AXDND1: variants seen among roughly 807,000 people sequenced by gnomAD.
AXDND1 encodes axonemal dynein light chain domain containing 1, also known as axonemal dynein light chain domain-containing protein 1.
AXDND1 carries 110 observed loss-of-function variants against 137.5 expected under a neutral mutation model. The ratio of observed to expected loss-of-function variants is 0.80; its 90% CI spans 0.69 to 0.94. The LOEUF (loss-of-function observed/expected upper bound fraction) is 0.94, where lower values mean the gene tolerates loss of function less well. Ranked by LOEUF, AXDND1 falls within the 40% of genes least tolerant of loss-of-function variation. The pLI, the probability that AXDND1 is intolerant of heterozygous loss-of-function variation, is 0.00. For missense variants in AXDND1, 1,191 were observed against 1,169.8 expected, an observed-to-expected ratio of 1.02 and a Z score of -0.26; for synonymous variants, 414 against 399.7, an observed-to-expected ratio of 1.04 and a Z score of -0.43.
chr1:179,512,929 T>A (rs1669190680), intron 21 of AXDND1, among the ~76,000 whole-genome samples: 1 of 152,212 alleles, frequency 6.6e-6, no homozygotes, highest in Non-Finnish European at 1.5e-5. Flanking sequence ...GAAACTTTGC[T>A]GAATTCTTTT....
chr1:179,436,891 G>A (rs193161347), intron 15 of AXDND1, among the ~76,000 whole-genome samples: 200 of 151,956 alleles, frequency 1.3e-3, no homozygotes, highest in African/African-American at 4.4e-3. Flanking sequence ...CAAAAAGCTC[G>A]GTAGATATCA....
Position 179,534,727 on chromosome 1 carries a change from CAG to C in AXDND1, c.2799-2_2799-1del. The C allele has an allele frequency of 6.4e-7, 1 of 1,572,078 alleles. No individual in the cohort carries two copies. The highest frequency in any genetic ancestry group is 8.6e-7 in the Non-Finnish European group (1 of 1,168,766). On this transcript the variant is annotated splice_acceptor_variant, in intron 24 of 25. Transcript: ENST00000367618. LOFTEE classifies it high-confidence loss of function. ...TTTTGTTGTGTCTTCTCTTCCATATCAGGGAGGTTGAAAATAGAGCCAGACAG... is the reference window on the plus strand; with the variant it reads ...TTTTGTTGTGTCTTCTCTTCCATATCGGAGGTTGAAAATAGAGCCAGACAG...
At position 179,448,086 on chromosome 1, in the gene AXDND1, C is replaced by T. The variant is rs1047422343; in HGVS notation, c.1798+2882C>T. ...CAGGTGCAATGTTATGATTCTGCATCATATTATCAAATTCCTCATTAATTA... is the reference window on the plus strand; with the variant it reads ...CAGGTGCAATGTTATGATTCTGCATTATATTATCAAATTCCTCATTAATTA... On this transcript the variant is annotated intron_variant, in intron 16 of 25. Coordinates refer to ENST00000367618, the MANE Select transcript of AXDND1 (RefSeq NM_144696.6). 3 of 1,045,876 alleles carry T rather than the reference C, an allele frequency of 2.9e-6. No homozygotes were observed. The Admixed American group carries it at 5.2e-5, about 18-fold the overall frequency. The allele number at this position is 1,045,876 out of a possible 1,614,324, so 64.8% of individuals were successfully genotyped here.
intron 20 of AXDND1, chr1:179,506,781 G>C (rs1389813857): frequency 7.3e-6 from 6 of 823,796 alleles, no homozygotes; most frequent in African/African-American, 1.9e-5. Context: ...TCTCTGCCCT[G>C]TGTAGTCTGC....
At chr1:179,408,747 C>T (rs577809034) in intron 11 of AXDND1, among the ~76,000 whole-genome samples, 2 of 152,264 alleles carry the variant, frequency 1.3e-5, no homozygotes, top group South Asian at 2.1e-4. Context: ...GTTGCATGAT[C>T]ATGGCTCACT....
Position 179,437,261 on chromosome 1 carries a change from C to G in AXDND1, c.1563+4919C>G, listed in dbSNP as rs190821697. On this transcript the variant is annotated intron_variant, in intron 15 of 25. Coordinates refer to ENST00000367618, the MANE Select transcript of AXDND1 (RefSeq NM_144696.6). ...CAAGGACCCTGAGCTTTACAAAGCC[C>G]TCTGTATTTATTAGGCAAAAGAGAT... Among the ~76,000 whole-genome samples the G allele has an allele frequency of 5.3e-3, 806 of 152,080 alleles. 10 individuals are homozygous for G. The highest frequency in any genetic ancestry group is 0.019 in the African/African-American group (783 of 41,464).
At chr1:179,467,374 A>G (rs966313929) in intron 16 of AXDND1, among the ~76,000 whole-genome samples, 1 of 152,214 alleles carries the variant, frequency 6.6e-6, no homozygotes, top group Non-Finnish European at 1.5e-5. Flanking sequence ...GTTCTGCATC[A>G]TCAGATTCAA....
chr1:179,531,870 G>A (rs537962663), intron 23 of AXDND1, among the ~76,000 whole-genome samples: 1 of 152,318 alleles, frequency 6.6e-6, no homozygotes, highest in African/African-American at 2.4e-5. Flanking sequence ...CACAAGCAAG[G>A]AGGGTCCAAT....
At chr1:179,373,755 G>A (rs1385862729) in intron 4 of AXDND1, among the ~76,000 whole-genome samples, 3 of 152,150 alleles carry the variant, frequency 2.0e-5, no homozygotes, top group Non-Finnish European at 4.4e-5. Context: ...AAATGGTGCT[G>A]GGAAAACTGG....
At chr1:179,390,291 G>A (rs1649945883) in intron 9 of AXDND1, among the ~76,000 whole-genome samples, 1 of 152,142 alleles carries the variant, frequency 6.6e-6, no homozygotes, top group Admixed American at 6.6e-5. Context: ...TGAGGTTACA[G>A]GTGTGAGCCA....
intron 12 of AXDND1, among the ~76,000 whole-genome samples, chr1:179,425,844 T>G (rs1656487480): frequency 1.3e-5 from 2 of 149,470 alleles, no homozygotes; most frequent in South Asian, 4.3e-4. Flanking sequence ...TCTTTTTTTT[T>G]TTTTTTTTTT....
intron 16 of AXDND1, chr1:179,448,199 A>G (rs962373510): frequency 6.9e-6 from 6 of 868,360 alleles, no homozygotes; most frequent in African/African-American, 1.6e-5. Flanking sequence ...TCAGAGCCTC[A>G]ACAATATCTG....
At chr1:179,528,018 C>T (rs1317801367) in intron 22 of AXDND1, among the ~76,000 whole-genome samples, 1 of 152,220 alleles carries the variant, frequency 6.6e-6, no homozygotes, top group African/African-American at 2.4e-5. Context: ...TTTATGCTAA[C>T]AGTAATCATG....
In AXDND1 at chr1:179,445,157, T is replaced by C; in HGVS notation, c.1751T>C (p.Ile584Thr). ...TACATGGAGGAAATTATCAAAAACA[T>C]ACAAAAACTCTACAAAGAATATGAA... Reference protein sequence around the residue: ...RQYMEEIIKNIQKLYKEYEIR... With the variant: ...RQYMEEIIKNTQKLYKEYEIR... Residue 584 changes from isoleucine (I) to threonine (T), a missense_variant, in exon 16 of 26, where the codon ATA (isoleucine) becomes ACA (threonine). By Grantham distance (89) the Ile-to-Thr change is moderately conservative (BLOSUM62 -1). Transcript: ENST00000367618. 6.2e-7 allele frequency: 1 copy of C among 1,609,806 alleles called. No homozygotes were observed. Among genetic ancestry groups the C allele is most frequent in the Non-Finnish European group, 8.5e-7 (1 of 1,177,564 alleles).
chr1:179,437,143 T>C (rs550472220), intron 15 of AXDND1, among the ~76,000 whole-genome samples: 1 of 146,824 alleles, frequency 6.8e-6, no homozygotes, highest in South Asian at 2.1e-4. Context: ...CGCACAGACC[T>C]AGGGGGACTG....
chr1:179,495,056 G>C (rs1446330670), intron 20 of AXDND1, among the ~76,000 whole-genome samples: 1 of 152,058 alleles, frequency 6.6e-6, no homozygotes, highest in Non-Finnish European at 1.5e-5. Flanking sequence ...GTTGTGTTCT[G>C]TTGATCCATT....
intron 25 of AXDND1, among the ~76,000 whole-genome samples, chr1:179,540,506 G>T (rs1672025230): frequency 6.6e-6 from 1 of 152,138 alleles, no homozygotes; most frequent in Admixed American, 6.5e-5. Context: ...TGTTTGCCTG[G>T]GTATCATCAG....
intron 20 of AXDND1, among the ~76,000 whole-genome samples, chr1:179,495,422 A>G (rs4443849): frequency 0.32 from 48,304 of 151,982 alleles, 8,294 homozygotes; most frequent in Middle Eastern, 0.43. Context: ...ATTTATCCCT[A>G]AGTATTTCAT....
At chr1:179,533,343 C>T (rs935410172) in intron 23 of AXDND1, among the ~76,000 whole-genome samples, 1 of 152,002 alleles carries the variant, frequency 6.6e-6, no homozygotes. Flanking sequence ...TTATGAAGTC[C>T]CCTAAGGAAT....
Sources: gnomAD v4.1 joint callset for allele counts (sites outside exome capture counted in the v4.1 genomes callset) on GRCh38, gnomAD v4.1.1 for gene constraint, MANE v1.5 for transcripts, NCBI Gene and HGNC (gene_info 2026-07-23, HGNC 2026-07-21) for gene names.